Variants in RIMS2 observed in about 807,000 individuals in gnomAD.
The protein encoded by RIMS2 is regulating synaptic membrane exocytosis protein 2.
Under a neutral mutation model 174.4 loss-of-function variants are expected in RIMS2, and 59 were observed. The observed-to-expected ratio is 0.34, with a 90% CI of 0.27 to 0.42. RIMS2 has a LOEUF of 0.42. Ranked by LOEUF, RIMS2 falls within the 10% of genes least tolerant of loss-of-function variation. The pLI is 1.00. For missense variants in RIMS2, 1,620 were observed against 1,666.3 expected, an observed-to-expected ratio of 0.97 and a Z score of 0.48; for synonymous variants, 606 against 572.5, an observed-to-expected ratio of 1.06 and a Z score of -0.84.
At chr8:104,102,458 C>A (rs1445285993) in intron 19 of RIMS2, among the ~76,000 whole-genome samples, 1 of 152,166 alleles carries the variant, frequency 6.6e-6, no homozygotes, top group East Asian at 1.9e-4. Context: ...TTTCTCCTTC[C>A]ATAACTTGAG....
intron 19 of RIMS2, among the ~76,000 whole-genome samples, chr8:104,090,648 G>C (rs894916457): frequency 1.3e-5 from 2 of 151,748 alleles, no homozygotes; most frequent in Admixed American, 6.6e-5. Context: ...CTGAGATAAA[G>C]ATATTATTCA....
intron 2 of RIMS2, among the ~76,000 whole-genome samples, chr8:103,706,883 A>G (rs1037454396): frequency 1.3e-5 from 2 of 151,776 alleles, no homozygotes; most frequent in African/African-American, 4.8e-5. Context: ...TTTTTACCCA[A>G]TCTCTTTGTC....
chr8:104,173,935 TTA>T (rs1447615133), intron 19 of RIMS2, among the ~76,000 whole-genome samples: 2 of 149,130 alleles, frequency 1.3e-5, no homozygotes, highest in African/African-American at 2.5e-5. Flanking sequence ...ATTTATTTAT[TTA>T]TTTATTTATT....
At chr8:104,238,170 G>A (rs147709455) in intron 19 of RIMS2, among the ~76,000 whole-genome samples, 21,064 of 151,964 alleles carry the variant, frequency 0.14, 1,958 homozygotes, top group African/African-American at 0.26. Flanking sequence ...GAAGCTGGAA[G>A]CCATTATTCT....
At chr8:103,621,972 A>G (rs1251613204) in intron 1 of RIMS2, among the ~76,000 whole-genome samples, 1 of 152,186 alleles carries the variant, frequency 6.6e-6, no homozygotes, top group Non-Finnish European at 1.5e-5. Flanking sequence ...CCAAAATGAT[A>G]TATTTAATGC....
At chr8:104,085,557 A>C (rs1461093016) in intron 19 of RIMS2, among the ~76,000 whole-genome samples, 1 of 152,190 alleles carries the variant, frequency 6.6e-6, no homozygotes, top group Non-Finnish European at 1.5e-5. Context: ...GAGAGGGAAT[A>C]TTGCGTAGGC....
intron 2 of RIMS2, among the ~76,000 whole-genome samples, chr8:103,703,948 C>G (rs900608099): frequency 2.0e-5 from 3 of 151,948 alleles, no homozygotes; most frequent in African/African-American, 7.2e-5. Context: ...AATTTGACTT[C>G]TTCCTTTCCA....
chr8:104,089,326 T>C (rs1239014181), intron 19 of RIMS2, among the ~76,000 whole-genome samples: 2 of 151,936 alleles, frequency 1.3e-5, no homozygotes, highest in African/African-American at 4.8e-5. Flanking sequence ...AATAACAATT[T>C]AGCTTCTCTC....
intron 20 of RIMS2, among the ~76,000 whole-genome samples, chr8:104,246,590 A>G (rs1038234055): frequency 6.6e-6 from 1 of 152,256 alleles, no homozygotes; most frequent in Non-Finnish European, 1.5e-5. Context: ...GATAGCACAC[A>G]TGCTAAGGAG....
At chr8:104,162,146 A>C (rs567633258) in intron 19 of RIMS2, among the ~76,000 whole-genome samples, 2 of 152,306 alleles carry the variant, frequency 1.3e-5, no homozygotes, top group South Asian at 4.1e-4. Context: ...GGTGCAGTGC[A>C]TGGACATCTT....
chr8:104,098,628 T>C (rs552382055), intron 19 of RIMS2, among the ~76,000 whole-genome samples: 14 of 152,106 alleles, frequency 9.2e-5, no homozygotes, highest in Admixed American at 9.2e-4. Flanking sequence ...AGATAGAGAC[T>C]TTTTTAAGGA....
chr8:103,769,818 T>C (rs537493495), intron 3 of RIMS2, among the ~76,000 whole-genome samples: 2 of 152,304 alleles, frequency 1.3e-5, no homozygotes, highest in East Asian at 3.9e-4. Flanking sequence ...TACTAATAAA[T>C]TCGTGCTTAA....
intron 1 of RIMS2, among the ~76,000 whole-genome samples, chr8:103,596,937 T>C (rs575512925): frequency 1.1e-4 from 17 of 152,176 alleles, no homozygotes; most frequent in African/African-American, 3.6e-4. Context: ...GAAGATAGTT[T>C]CCCCACAATA....
At chr8:103,925,991 A>G (rs2078701225) in intron 10 of RIMS2, among the ~76,000 whole-genome samples, 1 of 151,620 alleles carries the variant, frequency 6.6e-6, no homozygotes, top group Non-Finnish European at 1.5e-5. Flanking sequence ...ATGGGTGAAG[A>G]TTAGGTGTAA....
intron 1 of RIMS2, among the ~76,000 whole-genome samples, chr8:103,631,617 T>G (rs1378099398): frequency 6.6e-6 from 1 of 152,208 alleles, no homozygotes; most frequent in African/African-American, 2.4e-5. Flanking sequence ...ATTTGGCCTC[T>G]TTTTTGGTTC....
intron 3 of RIMS2, among the ~76,000 whole-genome samples, chr8:103,773,810 A>G (rs1185272028): frequency 2.0e-5 from 3 of 152,214 alleles, no homozygotes; most frequent in African/African-American, 7.2e-5. Flanking sequence ...AAAAATCCTG[A>G]CAACACTTAC....
chr8:103,594,245 C>T (rs751466602), intron 1 of RIMS2, among the ~76,000 whole-genome samples: 7 of 151,430 alleles, frequency 4.6e-5, no homozygotes, highest in Non-Finnish European at 7.4e-5. Flanking sequence ...TATTTAGTGC[C>T]ACATTTTTTT....
chr8:103,509,876 C>T (rs1825623679), intron 1 of RIMS2, among the ~76,000 whole-genome samples: 1 of 151,838 alleles, frequency 6.6e-6, no homozygotes, highest in Admixed American at 6.6e-5. Context: ...TTATATATAC[C>T]TGTCAAAACT....
chr8:104,254,957 G>A (rs1486405184), downstream of RIMS2: 1 of 152,198 alleles, frequency 6.6e-6, no homozygotes, highest in Non-Finnish European at 1.5e-5. Context: ...GGATATGAAT[G>A]GGTGAGAGGA....
Sources: gnomAD v4.1 joint callset for allele counts (sites outside exome capture counted in the v4.1 genomes callset) on GRCh38, gnomAD v4.1.1 for gene constraint, MANE v1.5 for transcripts, NCBI Gene and HGNC (gene_info 2026-07-23, HGNC 2026-07-21) for gene names.